Variants in EPHB1 observed in about 807,000 individuals in gnomAD.
EPHB1 encodes the protein ephrin type-B receptor 1.
In EPHB1, 30 loss-of-function variants were observed where a neutral mutation model predicts 94.4. The observed-to-expected ratio is 0.32, with a 90% CI of 0.24 to 0.43. EPHB1 has a LOEUF of 0.43. Among genes scored for constraint, EPHB1 ranks in the 20% least tolerant of loss-of-function variants. The pLI, the probability that EPHB1 is intolerant of heterozygous loss-of-function variation, is 1.00. For missense variants in EPHB1, 1,055 were observed against 1,308.3 expected (o/e 0.81, Z 2.99); for synonymous variants, 522 against 489.1 (o/e 1.07, Z -0.89).
intron 11 of EPHB1, among the ~76,000 whole-genome samples, chr3:135,199,710 G>A (rs771349503): frequency 6.6e-6 from 1 of 152,224 alleles, no homozygotes; most frequent in Admixed American, 6.5e-5. Flanking sequence ...ATAACCCCCA[G>A]AACATGGATC....
intron 9 of EPHB1, among the ~76,000 whole-genome samples, chr3:135,179,375 A>C (rs1225894161): frequency 2.0e-5 from 3 of 152,222 alleles, no homozygotes; most frequent in Non-Finnish European, 4.4e-5. Flanking sequence ...TCTCTTTGTA[A>C]AAAAATCCAT....
chr3:134,915,563 C>T (rs2038548360), intron 1 of EPHB1, among the ~76,000 whole-genome samples: 1 of 152,176 alleles, frequency 6.6e-6, no homozygotes, highest in African/African-American at 2.4e-5. Context: ...GCCACGGACC[C>T]TTGTGGTGAG....
chr3:135,127,305 A>G (rs1940244059), intron 4 of EPHB1, among the ~76,000 whole-genome samples: 1 of 152,252 alleles, frequency 6.6e-6, no homozygotes, highest in Non-Finnish European at 1.5e-5. Context: ...GTAAGTGGTC[A>G]TGCACAGAGT....
At chr3:135,124,894 C>T (rs922812009) in intron 4 of EPHB1, among the ~76,000 whole-genome samples, 2 of 151,598 alleles carry the variant, frequency 1.3e-5, no homozygotes, top group Admixed American at 1.3e-4. Context: ...CCTGAGCTTG[C>T]GGTGAGACAG....
intron 1 of EPHB1, among the ~76,000 whole-genome samples, chr3:134,803,542 G>A (rs1378887686): frequency 1.3e-5 from 2 of 152,204 alleles, no homozygotes; most frequent in Non-Finnish European, 2.9e-5. Flanking sequence ...AAACTTTCCA[G>A]GAGTCCTACA....
intron 4 of EPHB1, among the ~76,000 whole-genome samples, chr3:135,129,655 G>A (rs1311328950): frequency 6.6e-6 from 1 of 152,176 alleles, no homozygotes; most frequent in African/African-American, 2.4e-5. Flanking sequence ...TGACAAAGAG[G>A]AAGAGACTAT....
At chr3:135,168,585 T>C (rs921964351) in intron 9 of EPHB1, among the ~76,000 whole-genome samples, 2 of 152,190 alleles carry the variant, frequency 1.3e-5, no homozygotes, top group African/African-American at 4.8e-5. Context: ...GGACTTTGCT[T>C]GTACCTGTGA....
chr3:135,256,217 C>T lies in EPHB1; in HGVS notation c.2847-2795C>T, dbSNP rs190365480. 2.9e-3 allele frequency among the ~76,000 whole-genome samples: 448 copies of T among 152,204 alleles called. 1 individual carries two copies. Among genetic ancestry groups the T allele is most frequent in the African/African-American group, 9.8e-3 (408 of 41,518 alleles). ...TTAATTGGAGCATTTAGTCCATTTA[C>T]GTTTAAAGTTAATATTGTTATGTGT... On this transcript the variant is annotated intron_variant, in intron 15 of 15. Coordinates refer to ENST00000398015, the MANE Select transcript of EPHB1 (RefSeq NM_004441.5).
intron 12 of EPHB1, among the ~76,000 whole-genome samples, chr3:135,207,297 C>T (rs2107714866): frequency 6.6e-6 from 1 of 152,284 alleles, no homozygotes; most frequent in Middle Eastern, 3.4e-3. Flanking sequence ...CTATATTTTA[C>T]TATCATTTCT....
intron 1 of EPHB1, among the ~76,000 whole-genome samples, chr3:134,818,994 A>T (rs1279832978): frequency 6.6e-6 from 1 of 152,190 alleles, no homozygotes; most frequent in East Asian, 1.9e-4. Flanking sequence ...CAGGAGGTGG[A>T]GGCAGGAGGT....
intron 1 of EPHB1, among the ~76,000 whole-genome samples, chr3:134,870,474 G>A (rs879006622): frequency 1.3e-4 from 20 of 152,196 alleles, no homozygotes; most frequent in Middle Eastern, 3.2e-3. Flanking sequence ...ATCAACTGGG[G>A]AATATTCAGA....
At chr3:135,152,223 A>AT (rs972689134) in intron 5 of EPHB1, among the ~76,000 whole-genome samples, 4 of 152,138 alleles carry the variant, frequency 2.6e-5, no homozygotes, top group African/African-American at 9.7e-5. Flanking sequence ...TTGACAAGAC[A>AT]TTTTGTGGGA....
intron 5 of EPHB1, among the ~76,000 whole-genome samples, chr3:135,134,497 G>GT (rs1423087832): frequency 6.6e-6 from 1 of 152,212 alleles, no homozygotes; most frequent in African/African-American, 2.4e-5. Flanking sequence ...GTGTGTGTGT[G>GT]TGTGTTCATG....
chr3:135,114,658 G>A (rs1240878004), intron 4 of EPHB1, among the ~76,000 whole-genome samples: 1 of 150,782 alleles, frequency 6.6e-6, no homozygotes, highest in African/African-American at 2.4e-5. Context: ...GGGAGGCAGA[G>A]GTTGCAGTGA....
intron 3 of EPHB1, among the ~76,000 whole-genome samples, chr3:135,008,382 T>A (rs559959753): frequency 1.3e-5 from 2 of 152,290 alleles, no homozygotes; most frequent in Admixed American, 1.3e-4. Context: ...GTTAAATAGT[T>A]TCCCTGAGTC....
At chr3:134,866,594 G>T (rs551046773) in intron 1 of EPHB1, among the ~76,000 whole-genome samples, 1 of 152,332 alleles carries the variant, frequency 6.6e-6, no homozygotes, top group Admixed American at 6.5e-5. Context: ...GGCCTGGTCT[G>T]TCCACTCCAA....
At chr3:134,878,234 C>A (rs2037658056) in intron 1 of EPHB1, among the ~76,000 whole-genome samples, 1 of 152,194 alleles carries the variant, frequency 6.6e-6, no homozygotes, top group South Asian at 2.1e-4. Flanking sequence ...CTTCTTTAAG[C>A]AATTTCTTAA....
At chr3:135,041,711 CT>C (rs1340086599) in intron 3 of EPHB1, among the ~76,000 whole-genome samples, 2 of 152,154 alleles carry the variant, frequency 1.3e-5, no homozygotes, top group African/African-American at 4.8e-5. Flanking sequence ...TCATTTTGGG[CT>C]GCTGTAACAG....
At chr3:134,968,664 G>A (rs1933854642) in intron 3 of EPHB1, among the ~76,000 whole-genome samples, 1 of 152,128 alleles carries the variant, frequency 6.6e-6, no homozygotes, top group Admixed American at 6.5e-5. Flanking sequence ...ATAGATTTGT[G>A]TAACCACTAT....
Sources: allele counts gnomAD v4.1 joint callset (sites outside exome capture counted in the v4.1 genomes callset), GRCh38; gene constraint gnomAD v4.1.1; transcripts MANE v1.5; gene names NCBI Gene and HGNC (gene_info 2026-07-23, HGNC 2026-07-21).